The following R3HDM2 variants were observed in gnomAD, a reference collection of about 807,000 sequenced individuals.
R3HDM2 encodes the protein R3H domain-containing protein 2.
A neutral mutation model predicts 124.5 loss-of-function variants in R3HDM2; 38 were observed. That is an observed-to-expected ratio of 0.31 (90% confidence interval 0.24 to 0.40). The LOEUF is 0.40. R3HDM2 is among the 10% of genes least tolerant of loss of function. The pLI is 1.00. For synonymous variants in R3HDM2, 391 were observed against 448.0 expected (o/e 0.87, Z 1.61); for missense variants, 869 against 1,236.9 (o/e 0.70, Z 4.46).
chr12:57,322,004 C>G (rs141299103), intron 2 of R3HDM2, among the ~76,000 whole-genome samples: 4 of 152,068 alleles, frequency 2.6e-5, no homozygotes, highest in South Asian at 2.1e-4. Context: ...CCAAGGTGGG[C>G]GGATCACGAG....
chr12:57,300,418 C>G (rs1213441244), intron 4 of R3HDM2, among the ~76,000 whole-genome samples: 2 of 152,146 alleles, frequency 1.3e-5, no homozygotes, highest in African/African-American at 4.8e-5. Flanking sequence ...GCTACATGGA[C>G]AGATGATAGG....
At chr12:57,335,044 T>C (rs905625297) in intron 2 of R3HDM2, among the ~76,000 whole-genome samples, 3 of 151,074 alleles carry the variant, frequency 2.0e-5, no homozygotes, top group African/African-American at 7.3e-5. Context: ...TGAGAGGCTA[T>C]AGCAGGAGGA....
intron 2 of R3HDM2, among the ~76,000 whole-genome samples, chr12:57,391,910 C>T (rs2066741529): frequency 6.6e-6 from 1 of 152,168 alleles, no homozygotes; most frequent in South Asian, 2.1e-4. Context: ...GCCTGTAATC[C>T]CAGCACTGTG....
chr12:57,302,976 TAC>T (rs2051598286), intron 4 of R3HDM2, among the ~76,000 whole-genome samples, 198 bp downstream of exon 4: 1 of 152,230 alleles, frequency 6.6e-6, no homozygotes, highest in South Asian at 2.1e-4. Flanking sequence ...TATGTACGCC[TAC>T]ACAGTTTCCA....
At chr12:57,417,202 G>A (rs1203925400) in intron 1 of R3HDM2, among the ~76,000 whole-genome samples, 1 of 150,540 alleles carries the variant, frequency 6.6e-6, no homozygotes, top group Admixed American at 6.6e-5. Context: ...TCAAGAGTTT[G>A]AGACCAGCCT....
intron 2 of R3HDM2, among the ~76,000 whole-genome samples, chr12:57,310,719 A>G (rs2053724937): frequency 1.3e-5 from 2 of 151,978 alleles, no homozygotes; most frequent in South Asian, 4.1e-4. Flanking sequence ...TGAAACCATC[A>G]CCCCAATCAA....
chr12:57,309,845 G>A (rs549885293), intron 3 of R3HDM2, among the ~76,000 whole-genome samples: 1 of 152,292 alleles, frequency 6.6e-6, no homozygotes, highest in East Asian at 1.9e-4. Context: ...GAGAGTTGAA[G>A]CTGGAGTTTT....
chr12:57,270,498 C>T (rs2043360517), intron 14 of R3HDM2, among the ~76,000 whole-genome samples: 2 of 152,078 alleles, frequency 1.3e-5, no homozygotes, highest in African/African-American at 2.4e-5. Context: ...GGTGCAGTCT[C>T]GGCTCACTGC....
intron 2 of R3HDM2, among the ~76,000 whole-genome samples, chr12:57,386,252 C>T (rs2065744624): frequency 6.6e-6 from 1 of 152,216 alleles, no homozygotes; most frequent in Admixed American, 6.5e-5. Flanking sequence ...ACTGTGGGAG[C>T]TCCTTCCTGG....
At chr12:57,395,882 T>C in intron 1 of R3HDM2, 64 bp from the exon 2 acceptor site, 1 of 756,810 alleles carries the variant, frequency 1.3e-6, no homozygotes, top group Non-Finnish European at 1.6e-6. Flanking sequence ...ATATATTAGA[T>C]CCAATTCAAA....
At chr12:57,400,024 C>T (rs897045716) in intron 1 of R3HDM2, among the ~76,000 whole-genome samples, 9 of 152,220 alleles carry the variant, frequency 5.9e-5, no homozygotes, top group South Asian at 2.1e-4. Flanking sequence ...TCCAGTGTGG[C>T]GATTCCTCAG....
chr12:57,323,603 T>G (rs371705742), intron 2 of R3HDM2, among the ~76,000 whole-genome samples: 58 of 152,332 alleles, frequency 3.8e-4, no homozygotes, highest in Non-Finnish European at 7.1e-4. Flanking sequence ...TCCAGAGCAA[T>G]TCCTTAGGCA....
At chr12:57,301,629 C>T (rs2051189654) in intron 4 of R3HDM2, among the ~76,000 whole-genome samples, 1 of 152,190 alleles carries the variant, frequency 6.6e-6, no homozygotes, top group African/African-American at 2.4e-5. Context: ...TTGTTTTGAA[C>T]TTTAACATCA....
intron 2 of R3HDM2, among the ~76,000 whole-genome samples, chr12:57,357,025 C>T (rs1187458534): frequency 2.0e-5 from 3 of 151,818 alleles, no homozygotes; most frequent in Admixed American, 2.0e-4. Context: ...ATGGCGTGAA[C>T]CCGGGAGGCG....
intron 2 of R3HDM2, among the ~76,000 whole-genome samples, chr12:57,326,536 G>A (rs994744138): frequency 1.3e-5 from 2 of 152,254 alleles, no homozygotes; most frequent in Admixed American, 1.3e-4. Flanking sequence ...GCAGAGGTTG[G>A]TTCATGAGTT....
Position 57,265,060 on chromosome 12 carries a change from C to A in R3HDM2, c.2131+1671G>T, listed in dbSNP as rs1225901775. 2.6e-4 allele frequency among the ~76,000 whole-genome samples: 40 copies of A among 152,280 alleles called. 1 individual carries two copies. Among genetic ancestry groups the A allele is most frequent in the African/African-American group, 9.4e-4 (39 of 41,558 alleles). On this transcript the variant is annotated intron_variant, in intron 19 of 23. Transcript: ENST00000402412. ...GCAAAGGCAGTGAAAGGCTGCATGGCATAAACTTATTAACTTGGAATGGCT... is the reference window on the plus strand; with the variant it reads ...GCAAAGGCAGTGAAAGGCTGCATGGAATAAACTTATTAACTTGGAATGGCT...
intron 2 of R3HDM2, among the ~76,000 whole-genome samples, chr12:57,323,253 T>C (rs2056748455): frequency 6.6e-6 from 1 of 152,112 alleles, no homozygotes; most frequent in African/African-American, 2.4e-5. Context: ...AAGAGGTAAA[T>C]GCCTAACAGC....
intron 2 of R3HDM2, among the ~76,000 whole-genome samples, chr12:57,326,744 T>G (rs761518352): frequency 5.9e-5 from 9 of 152,192 alleles, no homozygotes; most frequent in Non-Finnish European, 1.2e-4. Flanking sequence ...AGAGGAGAAG[T>G]CAAAACCTGG....
chr12:57,264,922 C>T (rs1460922834), intron 19 of R3HDM2, among the ~76,000 whole-genome samples: 1 of 152,132 alleles, frequency 6.6e-6, no homozygotes, highest in Non-Finnish European at 1.5e-5. Flanking sequence ...CAGGTGTGTA[C>T]CACTGCACAC....
Sources: gnomAD v4.1 joint callset for allele counts (sites outside exome capture counted in the v4.1 genomes callset) on GRCh38, gnomAD v4.1.1 for gene constraint, MANE v1.5 for transcripts, NCBI Gene and HGNC (gene_info 2026-07-23, HGNC 2026-07-21) for gene names.